INPP4B: variants seen among roughly 807,000 people sequenced by gnomAD.
INPP4B encodes inositol polyphosphate-4-phosphatase type II B, also known as inositol polyphosphate 4-phosphatase type II.
A neutral mutation model predicts 122.5 loss-of-function variants in INPP4B; 55 were observed. That is an observed-to-expected ratio of 0.45 (90% CI 0.36 to 0.56). The LOEUF is 0.56. Ranked by LOEUF, INPP4B falls within the 20% of genes least tolerant of loss-of-function variation. The pLI is 0.00. For missense variants in INPP4B, 1,000 were observed against 1,097.7 expected (o/e 0.91, Z 1.26); for synonymous variants, 403 against 388.7 (o/e 1.04, Z -0.43).
intron 7 of INPP4B, among the ~76,000 whole-genome samples, chr4:142,328,837 G>T (rs1773398793): frequency 6.6e-6 from 1 of 152,098 alleles, no homozygotes; most frequent in Admixed American, 6.5e-5. Flanking sequence ...ATGTAAAAGG[G>T]TCCTAAAACC....
chr4:142,321,337 A>G (rs1769943994), intron 7 of INPP4B, among the ~76,000 whole-genome samples: 1 of 151,988 alleles, frequency 6.6e-6, no homozygotes, highest in African/African-American at 2.4e-5. Context: ...TGCTGACTTG[A>G]GTTCCTTGTA....
At chr4:142,576,551 G>C (rs985484513) in intron 2 of INPP4B, among the ~76,000 whole-genome samples, 3 of 151,602 alleles carry the variant, frequency 2.0e-5, no homozygotes, top group African/African-American at 7.3e-5. Flanking sequence ...AATAATTACA[G>C]ATAACTTAAA....
chr4:142,234,093 A>T (rs1157714315), intron 12 of INPP4B, among the ~76,000 whole-genome samples: 3 of 152,210 alleles, frequency 2.0e-5, no homozygotes, highest in African/African-American at 7.2e-5. Context: ...AAGATAAAAC[A>T]AAACTGTAGA....
intron 5 of INPP4B, among the ~76,000 whole-genome samples, chr4:142,415,108 T>C (rs1390941264): frequency 1.3e-5 from 2 of 152,142 alleles, no homozygotes; most frequent in Non-Finnish European, 2.9e-5. Flanking sequence ...GGCACCATTT[T>C]TTTGAACAAC....
At chr4:142,574,231 C>T (rs1733389978) in intron 2 of INPP4B, among the ~76,000 whole-genome samples, 1 of 152,084 alleles carries the variant, frequency 6.6e-6, no homozygotes, top group Non-Finnish European at 1.5e-5. Flanking sequence ...CAGTTACAAA[C>T]TCATGGAGGG....
chr4:142,821,885 G>T (rs552763113), intron 1 of INPP4B, among the ~76,000 whole-genome samples: 12 of 152,138 alleles, frequency 7.9e-5, no homozygotes, highest in Non-Finnish European at 1.5e-4. Flanking sequence ...GTGTGGGGAA[G>T]TCTTATTATC....
chr4:142,191,712 T>C (rs895955401), intron 15 of INPP4B, among the ~76,000 whole-genome samples: 2 of 152,164 alleles, frequency 1.3e-5, no homozygotes, highest in Admixed American at 6.5e-5. Context: ...AACAGTTCTA[T>C]ATGATGTTTA....
At chr4:142,315,908 T>G (rs1579710126) in intron 7 of INPP4B, among the ~76,000 whole-genome samples, 1 of 151,928 alleles carries the variant, frequency 6.6e-6, no homozygotes, top group East Asian at 1.9e-4. Context: ...TTCAAATCCC[T>G]TAAGTCTTGA....
intron 2 of INPP4B, among the ~76,000 whole-genome samples, chr4:142,469,265 C>T (rs1818375573): frequency 6.6e-6 from 1 of 151,832 alleles, no homozygotes; most frequent in African/African-American, 2.4e-5. Context: ...GAATGCAGCT[C>T]CCAATAGCAG....
At chr4:142,088,036 A>G (rs138430991) in intron 23 of INPP4B, among the ~76,000 whole-genome samples, 1 of 152,218 alleles carries the variant, frequency 6.6e-6, no homozygotes, top group Non-Finnish European at 1.5e-5. Context: ...GTCAAAAGTC[A>G]TATCTTTACT....
intron 11 of INPP4B, among the ~76,000 whole-genome samples, chr4:142,254,939 A>C (rs1186157092): frequency 1.3e-5 from 2 of 152,090 alleles, no homozygotes; most frequent in Non-Finnish European, 2.9e-5. Flanking sequence ...AAAAAATGTT[A>C]AGGGCAGCCA....
chr4:142,307,723 A>C (rs894038492), intron 8 of INPP4B, among the ~76,000 whole-genome samples: 6 of 152,198 alleles, frequency 3.9e-5, no homozygotes, highest in Non-Finnish European at 7.3e-5. Context: ...TTCACTGATA[A>C]TCATAGCTTT....
At chr4:142,630,626 A>T (rs1747720252) in intron 2 of INPP4B, among the ~76,000 whole-genome samples, 1 of 21,350 alleles carries the variant, frequency 4.7e-5, no homozygotes, top group East Asian at 4.9e-3. Context: ...GCAAACAAGA[A>T]AGTGAATAAT....
intron 2 of INPP4B, among the ~76,000 whole-genome samples, chr4:142,597,382 A>C (rs1305705333): frequency 6.6e-6 from 1 of 152,188 alleles, no homozygotes; most frequent in African/African-American, 2.4e-5. Context: ...GTGTTCTTAA[A>C]CATTTCATAA....
At chr4:142,338,850 G>A (rs1327462848) in intron 7 of INPP4B, among the ~76,000 whole-genome samples, 5 of 152,114 alleles carry the variant, frequency 3.3e-5, no homozygotes, top group Non-Finnish European at 7.3e-5. Context: ...CTTGCCTTCT[G>A]CCACTGGAGC....
At chr4:142,245,855 CATATATGTGTATGTATACAT>C (rs1727942149) in intron 11 of INPP4B, among the ~76,000 whole-genome samples, 2 of 24,084 alleles carry the variant, frequency 8.3e-5, no homozygotes, top group South Asian at 1.6e-3. Flanking sequence ...TGTATGTATA[CATATATGTGTATGTATACAT>C]ATATATGTGT....
intron 2 of INPP4B, among the ~76,000 whole-genome samples, chr4:142,523,626 C>A (rs1311808901): frequency 1.3e-5 from 2 of 151,972 alleles, no homozygotes; most frequent in South Asian, 2.1e-4. Context: ...CTGCTTTTAG[C>A]TTTTCTTTTT....
At chr4:142,708,969 C>A (rs1003790856) in intron 2 of INPP4B, among the ~76,000 whole-genome samples, 1 of 152,072 alleles carries the variant, frequency 6.6e-6, no homozygotes, top group African/African-American at 2.4e-5. Flanking sequence ...TGTGGTTCTA[C>A]CCTGCAGAAC....
chr4:142,293,925 G>A (rs1757491061), intron 9 of INPP4B, among the ~76,000 whole-genome samples: 1 of 152,176 alleles, frequency 6.6e-6, no homozygotes, highest in African/African-American at 2.4e-5. Context: ...TATCTTAAGT[G>A]AAATAACTCA....
Sources: gnomAD v4.1 joint callset for allele counts (sites outside exome capture counted in the v4.1 genomes callset) on GRCh38, gnomAD v4.1.1 for gene constraint, MANE v1.5 for transcripts, NCBI Gene and HGNC (gene_info 2026-07-23, HGNC 2026-07-21) for gene names.